HMBOX1: variants seen among roughly 807,000 people sequenced by gnomAD.
The protein encoded by HMBOX1 is homeobox-containing protein 1.
Under a neutral mutation model 54.5 loss-of-function variants are expected in HMBOX1, and 14 were observed. The ratio of observed to expected loss-of-function variants is 0.26; its 90% CI spans 0.17 to 0.40. The LOEUF is 0.40. Ranked by LOEUF, HMBOX1 falls within the 10% of genes least tolerant of loss-of-function variation. The pLI, the probability that HMBOX1 is intolerant of heterozygous loss-of-function variation, is 1.00. For synonymous variants in HMBOX1, 160 were observed against 181.0 expected (o/e 0.88, Z 0.93); for missense variants, 332 against 514.4 (o/e 0.65, Z 3.43).
intron 1 of HMBOX1, among the ~76,000 whole-genome samples, chr8:28,929,336 G>T (rs1390756938): frequency 2.6e-5 from 4 of 152,162 alleles, no homozygotes; most frequent in Non-Finnish European, 4.4e-5. Flanking sequence ...ATTCTTGTTG[G>T]CTCTGTAAAG....
At chr8:29,006,678 A>C in intron 4 of HMBOX1, among the ~76,000 whole-genome samples, 1 of 152,184 alleles carries the variant, frequency 6.6e-6, no homozygotes, top group East Asian at 1.9e-4. Context: ...GTGTTTTGTT[A>C]TATAAATATA....
chr8:29,002,197 G>A (rs932592691), intron 4 of HMBOX1, among the ~76,000 whole-genome samples: 1 of 152,170 alleles, frequency 6.6e-6, no homozygotes, highest in African/African-American at 2.4e-5. Context: ...TTGGCTGTTA[G>A]CAGAATGTCT....
At chr8:29,050,286 C>T (rs1210162806) in intron 9 of HMBOX1, 1 of 890,472 alleles carries the variant, frequency 1.1e-6, no homozygotes, top group African/African-American at 1.8e-5. Flanking sequence ...GTAACACCAT[C>T]TTCAGTGCCT....
At chr8:28,978,299 A>G (rs1399141781) in intron 3 of HMBOX1, among the ~76,000 whole-genome samples, 2 of 152,204 alleles carry the variant, frequency 1.3e-5, no homozygotes, top group African/African-American at 4.8e-5. Flanking sequence ...TGAATAGGAT[A>G]CTTCAGTTTC....
At chr8:28,895,245 A>G (rs988775514) in intron 1 of HMBOX1, among the ~76,000 whole-genome samples, 1 of 152,226 alleles carries the variant, frequency 6.6e-6, no homozygotes, top group Non-Finnish European at 1.5e-5. Context: ...CTGTATACGT[A>G]TTAAGTAGCG....
At chr8:28,992,869 CAAAAAA>C (rs34488854) in intron 4 of HMBOX1, among the ~76,000 whole-genome samples, 8 of 57,252 alleles carry the variant, frequency 1.4e-4, no homozygotes, top group South Asian at 2.2e-3. Context: ...GACTCTGTCT[CAAAAAA>C]AAAAAAAAAA....
chr8:28,996,392 AT>A (rs1831846479), intron 4 of HMBOX1, among the ~76,000 whole-genome samples: 2 of 151,928 alleles, frequency 1.3e-5, no homozygotes, highest in South Asian at 4.2e-4. Flanking sequence ...GTTTGCAAAT[AT>A]TTTCTCCCAT....
At chr8:28,960,754 TTTTTC>T (rs1461103729) in intron 1 of HMBOX1, among the ~76,000 whole-genome samples, 329 of 20,620 alleles carry the variant, frequency 0.016, 34 homozygotes, top group African/African-American at 0.048. Context: ...TCTCTTTTTC[TTTTTC>T]TTTTTCTTTT....
At chr8:29,019,544 T>C (rs1800851316) in intron 6 of HMBOX1, among the ~76,000 whole-genome samples, 1 of 152,200 alleles carries the variant, frequency 6.6e-6, no homozygotes, top group Non-Finnish European at 1.5e-5. Context: ...AGTCATCTAC[T>C]TGTAAGTGAT....
chr8:29,012,184 A>G (rs1207900101), intron 5 of HMBOX1, among the ~76,000 whole-genome samples: 1 of 152,234 alleles, frequency 6.6e-6, no homozygotes, highest in Non-Finnish European at 1.5e-5. Context: ...ATCACATAGA[A>G]TTCTTTCTCG....
intron 1 of HMBOX1, among the ~76,000 whole-genome samples, chr8:28,939,075 A>T (rs986112330): frequency 1.3e-5 from 2 of 152,118 alleles, no homozygotes; most frequent in African/African-American, 4.8e-5. Flanking sequence ...GGATCACCTG[A>T]GGTCAAGAGT....
intron 1 of HMBOX1, among the ~76,000 whole-genome samples, chr8:28,961,373 C>T (rs1825561903): frequency 1.3e-5 from 2 of 152,210 alleles, no homozygotes; most frequent in East Asian, 3.9e-4. Flanking sequence ...TCTCATTATT[C>T]CTTGCCCATT....
chr8:28,898,866 C>T (rs989613159), intron 1 of HMBOX1, among the ~76,000 whole-genome samples: 6 of 152,118 alleles, frequency 3.9e-5, no homozygotes, highest in African/African-American at 1.4e-4. Flanking sequence ...TATCCCGTGA[C>T]CTTGGTGGGA....
chr8:28,914,321 C>T lies in HMBOX1; in HGVS notation c.-58+23643C>T, dbSNP rs149336161. Among the ~76,000 whole-genome samples, 464 of 151,806 alleles carry T rather than the reference C, an allele frequency of 3.1e-3. 1 individual carries two copies. Among genetic ancestry groups the T allele is most frequent in the African/African-American group, 0.01 (430 of 41,412 alleles). On this transcript the variant is annotated intron_variant, in intron 1 of 9. Transcript: ENST00000287701. ...CATTGTCAAAGAGGATATTAGAAAACGATTGGGACTTATATAGTAAAATCT... is the reference window on the plus strand; with the variant it reads ...CATTGTCAAAGAGGATATTAGAAAATGATTGGGACTTATATAGTAAAATCT...
Position 29,051,859 on chromosome 8 carries a change from G to A in HMBOX1, c.*704G>A. The A allele has an allele frequency of 3.0e-6, 1 of 338,360 alleles. No individual in the cohort carries two copies. Among genetic ancestry groups the A allele is most frequent in the Non-Finnish European group, 5.3e-6 (1 of 189,340 alleles). The allele number at this position is 338,360 out of a possible 1,614,324, so 21.0% of individuals were successfully genotyped here. On this transcript the variant is annotated 3_prime_UTR_variant, in exon 10 of 10. Coordinates refer to ENST00000287701, the MANE Select transcript of HMBOX1 (RefSeq NM_001135726.3). Reference sequence around the variant, plus strand: ...GATAAAATACTGCCTTCTGCCTTTGGGACCATGATTAAAAACAAAGACAAA... The same window carrying A: ...GATAAAATACTGCCTTCTGCCTTTGAGACCATGATTAAAAACAAAGACAAA...
rs1254973760 is a variant in HMBOX1 at position 28,944,140 on chromosome 8, T to C, written c.-57-19671T>C. ...CAATATTCAGTTCTGCATATCATCA[T>C]TGTCTGTCTTCTGAAATCTTTATTT... On this transcript the variant is annotated intron_variant, in intron 1 of 9. Transcript: ENST00000287701. Among the ~76,000 whole-genome samples the C allele has an allele frequency of 6.6e-5, 10 of 152,278 alleles. No individual in the cohort carries two copies. The East Asian group carries it at 9.6e-4, about 15-fold the overall frequency.
intron 1 of HMBOX1, chr8:28,949,865 A>C (rs1823097516): frequency 1.3e-5 from 2 of 152,206 alleles, no homozygotes; most frequent in Non-Finnish European, 2.9e-5. Flanking sequence ...AGGCCAGTAG[A>C]AAAGAAAGGG....
In HMBOX1 at chr8:28,989,120, A is replaced by G. The variant is rs994338108; in HGVS notation, c.586+8964A>G. On this transcript the variant is annotated intron_variant, in intron 4 of 9. Coordinates refer to ENST00000287701, the MANE Select transcript of HMBOX1 (RefSeq NM_001135726.3). ...AAACCCCATCTCTACTAAAAATACA[A>G]AATTAGCCGGGCATGGTGGTGCTTG... Among the ~76,000 whole-genome samples, 4 of 152,126 alleles carry G rather than the reference A, an allele frequency of 2.6e-5. No homozygotes were observed. The East Asian group carries it at 7.7e-4, about 29-fold the overall frequency.
chr8:28,947,213 A>G (rs879775873), intron 1 of HMBOX1, among the ~76,000 whole-genome samples: 9 of 152,208 alleles, frequency 5.9e-5, no homozygotes, highest in Non-Finnish European at 7.3e-5. Flanking sequence ...AACTCTCTAT[A>G]GTAGACTCTG....
Sources: gnomAD v4.1 joint callset for allele counts (sites outside exome capture counted in the v4.1 genomes callset) on GRCh38, gnomAD v4.1.1 for gene constraint, MANE v1.5 for transcripts, NCBI Gene and HGNC (gene_info 2026-07-23, HGNC 2026-07-21) for gene names.